The following C11orf54 variants were observed in gnomAD, a reference collection of about 807,000 sequenced individuals.
C11orf54 encodes beta-keto-L-gulonate decarboxylase.
In C11orf54, 29 loss-of-function variants were observed where a neutral mutation model predicts 35.5. The observed-to-expected ratio is 0.82, with a 90% CI of 0.61 to 1.11. The LOEUF (loss-of-function observed/expected upper bound fraction) is 1.11, where lower values mean the gene tolerates loss of function less well. Ranked by LOEUF, C11orf54 falls within the 50% of genes most tolerant of loss-of-function variation. The probability of loss-of-function intolerance (pLI) is 0.00; values close to 1 mark genes in which losing one functional copy is unlikely to be tolerated. For synonymous variants in C11orf54, 108 were observed against 121.1 expected (o/e 0.89, Z 0.71); for missense variants, 373 against 369.2 (o/e 1.01, Z -0.08).
intron 6 of C11orf54, among the ~76,000 whole-genome samples, chr11:93,757,068 T>A (rs953070555): frequency 6.6e-6 from 1 of 152,148 alleles, no homozygotes; most frequent in Admixed American, 6.6e-5. Flanking sequence ...TCTCAGTTTC[T>A]CAGTTCAAGA....
At position 93,759,746 on chromosome 11, in the gene C11orf54, C is replaced by T. The variant is rs1943356434; in HGVS notation, c.662C>T (p.Ala221Val). ...KGKVKSHIMP[A>V]EFSSCPLNSD... ...TGTAATTATCTTTTGTTGTAGCCTG[C>T]AGAATTTTCTTCCTGCCCCTTGAAC... The change falls in exon 8 of 9, where the codon GCA becomes GTA. Residue 221 changes from alanine to valine, a missense_variant. Transcript: ENST00000354421. 1 of 1,585,042 alleles carries T rather than the reference C, an allele frequency of 6.3e-7. No individual in the cohort carries two copies. The highest frequency in any genetic ancestry group is 8.6e-7 in the Non-Finnish European group (1 of 1,159,466).
At position 93,755,255 on chromosome 11, in the gene C11orf54, A is replaced by AAC. The variant is rs747710006; in HGVS notation, c.377_378insCA (p.Gly127MetfsTer8). ...AGAAAGTGAACACAAGCCTCCTGTA[A>AAC]ATGGAAGTTACTTTGCCCATGTGAA... On this transcript the variant is annotated frameshift_variant, in exon 6 of 9. Transcript: ENST00000354421. LOFTEE classifies it high-confidence loss of function. The AAC allele has an allele frequency of 1.9e-6, 3 of 1,614,114 alleles. No individual in the cohort carries two copies. The highest frequency in any genetic ancestry group is 2.5e-6 in the Non-Finnish European group (3 of 1,180,000).
At chr11:93,759,508 C>T (rs557321342) in intron 7 of C11orf54, among the ~76,000 whole-genome samples, 1 of 151,812 alleles carries the variant, frequency 6.6e-6, no homozygotes, top group East Asian at 1.9e-4. Flanking sequence ...GAGTGGGGGA[C>T]TAGGGGAGGG....
chr11:93,742,063 C>T (rs1302124115), intron 1 of C11orf54: 3 of 153,982 alleles, frequency 1.9e-5, no homozygotes, highest in African/African-American at 7.2e-5. Flanking sequence ...CATAGCACGC[C>T]CAGGTCTCCT....
chr11:93,755,344 A>G lies in C11orf54; in HGVS notation c.465A>G (p.Ala155=), dbSNP rs1220019003. 1.2e-6 allele frequency: 2 copies of G among 1,614,114 alleles called. No homozygotes were observed. Among genetic ancestry groups the G allele is most frequent in the Middle Eastern group, 1.6e-4 (1 of 6,084 alleles). Residue 155 remains alanine (A), a synonymous_variant, in exon 6 of 9, where the codon GCA becomes GCG. Transcript: ENST00000354421. ...YSEKCHDFQC[A]LLANLFASEG... ...AGAAATGTCATGATTTTCAGTGTGC[A>G]TTACTGGCTAATCTTTTTGCCAGTG...
chr11:93,761,697 A>T lies in C11orf54; in HGVS notation c.*9A>T. On this transcript the variant is annotated 3_prime_UTR_variant, in exon 9 of 9. Coordinates refer to ENST00000354421, the MANE Select transcript of C11orf54 (RefSeq NM_001286069.2). Reference sequence around the variant, plus strand: ...CAATTGGGCGAGATTAAATCAGCTGATACTTATTTAGAAAAAGAAATAATT... The same window carrying T: ...CAATTGGGCGAGATTAAATCAGCTGTTACTTATTTAGAAAAAGAAATAATT... The T allele has an allele frequency of 6.5e-7, 1 of 1,538,932 alleles. No homozygotes were observed. The highest frequency in any genetic ancestry group is 8.7e-7 in the Non-Finnish European group (1 of 1,145,222).
rs1319841143 is a variant in C11orf54 at position 93,761,716 on chromosome 11, AAT to A, written c.*30_*31del. 27 of 1,189,288 alleles carry A rather than the reference AAT, an allele frequency of 2.3e-5. No homozygotes were observed. The highest frequency in any genetic ancestry group is 1.0e-4 in the East Asian group (4 of 38,102). The allele number at this position is 1,189,288 out of a possible 1,614,324, so 73.7% of individuals were successfully genotyped here. A position where few individuals can be genotyped will look rare whatever the true frequency, so the allele number is the denominator to read the frequency against. On this transcript the variant is annotated 3_prime_UTR_variant, in exon 9 of 9. Coordinates refer to ENST00000354421, the MANE Select transcript of C11orf54 (RefSeq NM_001286069.2). ...CAGCTGATACTTATTTAGAAAAAGA[AAT>A]AATTAAGGTTAATTAATTGATTGAC... is the stretch of plus-strand genomic sequence containing the variant.
rs150552727 is a variant in C11orf54, at chr11:93,743,291, G to A, written c.-98+1563G>A. ...GCTGGGAGTACAGGCGTGAATCACC[G>A]CGCCCGGCCACATTTGGTATTTCTC... On this transcript the variant is annotated intron_variant, in intron 1 of 8. Coordinates refer to ENST00000354421, the MANE Select transcript of C11orf54 (RefSeq NM_001286069.2). Among the ~76,000 whole-genome samples, 1,249 of 152,000 alleles carry A rather than the reference G, an allele frequency of 8.2e-3. 15 individuals are homozygous for A. Among genetic ancestry groups the A allele is most frequent in the Non-Finnish European group, 8.5e-3 (577 of 67,980 alleles).
chr11:93,756,678 G>A (rs1253454055), intron 6 of C11orf54, among the ~76,000 whole-genome samples: 1 of 152,104 alleles, frequency 6.6e-6, no homozygotes, highest in Non-Finnish European at 1.5e-5. Flanking sequence ...GCTCTAGATA[G>A]AAATGGTGGT....
chr11:93,756,863 T>C (rs1348752405), intron 6 of C11orf54, among the ~76,000 whole-genome samples: 1 of 152,136 alleles, frequency 6.6e-6, no homozygotes, highest in African/African-American at 2.4e-5. Context: ...GAAGTGAAAA[T>C]ACTTAACGTC....
intron 1 of C11orf54, among the ~76,000 whole-genome samples, chr11:93,743,464 G>A (rs984859129): frequency 6.6e-6 from 1 of 152,180 alleles, no homozygotes; most frequent in African/African-American, 2.4e-5. Context: ...CGGGAGGGGG[G>A]GCGCGAGTGA....
chr11:93,758,413 G>A (rs1284659735), intron 7 of C11orf54, among the ~76,000 whole-genome samples: 1 of 152,236 alleles, frequency 6.6e-6, no homozygotes, highest in African/African-American at 2.4e-5. Context: ...GCTCCACGGA[G>A]CAGGCAGGAG....
At chr11:93,746,248 C>G (rs1474159380) in intron 1 of C11orf54, 1 of 152,166 alleles carries the variant, frequency 6.6e-6, no homozygotes, top group Non-Finnish European at 1.5e-5. Flanking sequence ...CACCGTTCCA[C>G]TTGCTAAATA....
Position 93,762,853 on chromosome 11 carries a change from G to A in C11orf54, c.*1165G>A, listed in dbSNP as rs1331624896. Reference sequence around the variant, plus strand: ...AAATATAAAATTATACTCACTGATTGTAATGGTTGAAATTTTCCTGAATAA... The same window carrying A: ...AAATATAAAATTATACTCACTGATTATAATGGTTGAAATTTTCCTGAATAA... On this transcript the variant is annotated 3_prime_UTR_variant, in exon 9 of 9. Transcript: ENST00000354421. The A allele has an allele frequency of 6.6e-6, 1 of 152,206 alleles. No individual in the cohort carries two copies. The highest frequency in any genetic ancestry group is 6.5e-5 in the Admixed American group (1 of 15,276). The allele number at this position is 152,206 out of a possible 1,614,324, so 9.4% of individuals were successfully genotyped here.
chr11:93,757,856 G>T (rs1238351443), intron 7 of C11orf54, among the ~76,000 whole-genome samples: 1 of 151,990 alleles, frequency 6.6e-6, no homozygotes, highest in Non-Finnish European at 1.5e-5. Context: ...AGTATGTGTT[G>T]GGAATTCTAC....
intron 2 of C11orf54, among the ~76,000 whole-genome samples, chr11:93,749,157 A>AG (rs1473052056): frequency 6.6e-6 from 1 of 151,672 alleles, no homozygotes; most frequent in Non-Finnish European, 1.5e-5. Context: ...AAAAAAAAAA[A>AG]AAAAAGACAT....
In C11orf54 at chr11:93,759,891, C is replaced by A. The variant is rs546720382; in HGVS notation, c.774+33C>A. 3.3e-6 allele frequency: 4 copies of A among 1,216,588 alleles called. No individual in the cohort carries two copies. The South Asian group carries it at 4.2e-5, about 13-fold the overall frequency. 75.4% of individuals were successfully genotyped at this position (1,216,588 alleles called of 1,614,324 possible). The stretch of plus-strand genomic sequence containing the variant: ...TGTGTCTGTTTTTTATATTATACTA[C>A]AATGATAATGCTTGATTTTTAGGAT... On this transcript the variant is annotated intron_variant, in intron 8 of 8. Coordinates refer to ENST00000354421, the MANE Select transcript of C11orf54 (RefSeq NM_001286069.2).
rs572168838 is a variant in C11orf54, at chr11:93,762,736, G to A, written c.*1048G>A. 1 of 151,388 alleles carries A rather than the reference G, an allele frequency of 6.6e-6. No individual in the cohort carries two copies. The highest frequency in any genetic ancestry group is 2.5e-5 in the African/African-American group (1 of 40,716). 9.4% of individuals were successfully genotyped at this position (151,388 alleles called of 1,614,324 possible). A position where few individuals can be genotyped will look rare whatever the true frequency, so the allele number is the denominator to read the frequency against. ...TTCACTGGTTATTTGCAAGAGAAGG[G>A]GTAAAAAAACAGCATCAGAGTGCAA... On this transcript the variant is annotated 3_prime_UTR_variant, in exon 9 of 9. Coordinates refer to ENST00000354421, the MANE Select transcript of C11orf54 (RefSeq NM_001286069.2).
chr11:93,760,561 A>G (rs1943404269), intron 8 of C11orf54, among the ~76,000 whole-genome samples: 1 of 152,166 alleles, frequency 6.6e-6, no homozygotes, highest in South Asian at 2.1e-4. Flanking sequence ...GTCTCCTGTC[A>G]TCTTGTTTGG....
Sources: gnomAD v4.1 joint callset for allele counts (sites outside exome capture counted in the v4.1 genomes callset) on GRCh38, gnomAD v4.1.1 for gene constraint, MANE v1.5 for transcripts, NCBI Gene and HGNC (gene_info 2026-07-23, HGNC 2026-07-21) for gene names.